Variants in PPEF1 observed in about 807,000 individuals in gnomAD.
PPEF1 encodes the protein protein phosphatase with EF-hand domain 1, also known as serine/threonine-protein phosphatase with EF-hands 1.
PPEF1 carries 12 observed loss-of-function variants against 53.3 expected under a neutral mutation model. The observed-to-expected ratio is 0.23, with a 90% confidence interval of 0.14 to 0.36. The LOEUF (loss-of-function observed/expected upper bound fraction) is 0.36, where lower values mean the gene tolerates loss of function less well. PPEF1 is among the 10% of genes least tolerant of loss of function. The pLI, the probability that PPEF1 is intolerant of heterozygous loss-of-function variation, is 1.00. For synonymous variants in PPEF1, 165 were observed against 176.7 expected (o/e 0.93, Z 0.52); for missense variants, 334 against 490.4 (o/e 0.68, Z 3.01).
intron 4 of PPEF1, among the ~76,000 whole-genome samples, chrX:18,754,979 C>T (rs1427937372): frequency 1.8e-5 from 2 of 111,374 alleles, no homozygotes; most frequent in African/African-American, 6.5e-5. Context: ...ATGAAGAAAA[C>T]TGAGGCAAAC....
chrX:18,794,082 T>G (rs2046378230), intron 10 of PPEF1, among the ~76,000 whole-genome samples: 1 of 112,771 alleles, frequency 8.9e-6, no homozygotes, highest in South Asian at 3.6e-4. Flanking sequence ...TCTATTGTTT[T>G]TAACAATAAC....
intron 10 of PPEF1, among the ~76,000 whole-genome samples, chrX:18,794,381 G>A (rs757514346): frequency 8.9e-6 from 1 of 112,903 alleles, no homozygotes; most frequent in Non-Finnish European, 1.9e-5. Context: ...GCCAAATAAG[G>A]CCAGTCCCTT....
chrX:18,795,640 A>G (rs1006738350), intron 10 of PPEF1, among the ~76,000 whole-genome samples: 2 of 111,770 alleles, frequency 1.8e-5, no homozygotes, highest in Admixed American at 9.5e-5. Context: ...GTTTTTCTAA[A>G]TTTCCAGTCC....
chrX:18,747,594 C>T (rs924697243), intron 3 of PPEF1, among the ~76,000 whole-genome samples: 5 of 112,281 alleles, frequency 4.5e-5, no homozygotes, highest in African/African-American at 1.6e-4. Context: ...GCCTCAGCCT[C>T]CTGAGTAGCT....
At chrX:18,699,518 T>G (rs1348285763) in intron 5 of PPEF1, among the ~76,000 whole-genome samples, 1 of 112,089 alleles carries the variant, frequency 8.9e-6, no homozygotes, top group African/African-American at 3.2e-5. Flanking sequence ...GCGATCAGTA[T>G]AAGACTCTGT....
At chrX:18,722,986 G>GC (rs1227386979) in intron 1 of PPEF1, among the ~76,000 whole-genome samples, 49 of 107,249 alleles carry the variant, frequency 4.6e-4, no homozygotes, top group African/African-American at 1.7e-3. Context: ...AGTAATTTGT[G>GC]AATTTTTTTT....
intron 5 of PPEF1, among the ~76,000 whole-genome samples, chrX:18,699,508 G>T (rs997179572): frequency 3.6e-5 from 4 of 111,951 alleles, no homozygotes; most frequent in Admixed American, 1.9e-4. Context: ...CAGCGCGGCC[G>T]CGATCAGTAT....
At chrX:18,792,414 T>A (rs2046339332) in intron 10 of PPEF1, among the ~76,000 whole-genome samples, 1 of 112,078 alleles carries the variant, frequency 8.9e-6, no homozygotes, top group African/African-American at 3.2e-5. Context: ...TAGTTGTGTC[T>A]TTCTTGGAAT....
intron 3 of PPEF1, among the ~76,000 whole-genome samples, chrX:18,739,319 G>A (rs772689012): frequency 4.5e-5 from 5 of 112,290 alleles, no homozygotes; most frequent in Non-Finnish European, 9.4e-5. Flanking sequence ...TTTTGGTGTG[G>A]ATGTCCTTTC....
intron 3 of PPEF1, among the ~76,000 whole-genome samples, chrX:18,690,306 G>T (rs2147239181): frequency 9.1e-6 from 1 of 109,899 alleles, no homozygotes; most frequent in South Asian, 3.9e-4. Context: ...GGCATTTGAG[G>T]CAGTAATAGT....
intron 15 of PPEF1, among the ~76,000 whole-genome samples, chrX:18,826,123 A>AT (rs1253542067): frequency 9.0e-6 from 1 of 111,338 alleles, no homozygotes; most frequent in African/African-American, 3.3e-5. Flanking sequence ...CAGAACTCTG[A>AT]TTTTATCTAT....
chrX:18,700,245 G>A (rs1280788223), intron 5 of PPEF1: 3 of 43,036 alleles, frequency 7.0e-5, no homozygotes. Flanking sequence ...AGTGGGGTGT[G>A]TGTGTGTGTG....
chrX:18,751,395 A>T (rs1432919578), intron 4 of PPEF1, among the ~76,000 whole-genome samples: 3 of 112,132 alleles, frequency 2.7e-5, no homozygotes, highest in Admixed American at 1.9e-4. Flanking sequence ...GTCAAAATTA[A>T]TTTTTTGCAT....
At chrX:18,689,407 G>A (rs946617284) in intron 3 of PPEF1, among the ~76,000 whole-genome samples, 16 of 106,344 alleles carry the variant, frequency 1.5e-4, no homozygotes, top group East Asian at 3.1e-4. Context: ...ACTTGAGCCC[G>A]GGAGGTGGAG....
chrX:18,821,758 CGA>C (rs754652406), intron 13 of PPEF1, among the ~76,000 whole-genome samples: 671 of 28,578 alleles, frequency 0.023, 8 homozygotes, highest in African/African-American at 0.061. Context: ...GAAACCATGG[CGA>C]GAGAGAGAGA....
intron 4 of PPEF1, among the ~76,000 whole-genome samples, chrX:18,752,727 C>CTTTT (rs34251013): frequency 1.0e-5 from 1 of 97,021 alleles, no homozygotes; most frequent in African/African-American, 3.7e-5. Context: ...TTGTCAAATG[C>CTTTT]TTTTTTTTTT....
At chrX:18,686,208 G>C (rs752806517) in exon 3 of PPEF1, 1 of 111,779 alleles carries the variant, frequency 8.9e-6, no homozygotes, top group Admixed American at 9.5e-5. Flanking sequence ...AGTTTCAAAC[G>C]AATCTGGTTT....
chrX:18,731,726 C>T (rs1387599194), intron 2 of PPEF1, among the ~76,000 whole-genome samples: 12 of 111,503 alleles, frequency 1.1e-4, no homozygotes, highest in Non-Finnish European at 1.9e-4. Flanking sequence ...TTTCATTTCC[C>T]GCTTCCTAAA....
At chrX:18,760,314 C>T (rs2045634723) in intron 5 of PPEF1, among the ~76,000 whole-genome samples, 1 of 111,254 alleles carries the variant, frequency 9.0e-6, no homozygotes, top group Non-Finnish European at 1.9e-5. Flanking sequence ...GCTTCAGATA[C>T]TCATGATCTC....
Sources: gnomAD v4.1 joint callset for allele counts (sites outside exome capture counted in the v4.1 genomes callset) on GRCh38, gnomAD v4.1.1 for gene constraint, MANE v1.5 for transcripts, NCBI Gene and HGNC (gene_info 2026-07-23, HGNC 2026-07-21) for gene names.